OTOR: variants seen among roughly 807,000 people sequenced by gnomAD.
OTOR encodes the protein fibrocyte-derived protein.
Under a neutral mutation model 15.9 loss-of-function variants are expected in OTOR, and 20 were observed. The observed-to-expected ratio is 1.26, with a 90% CI of 0.89 to 1.83. The LOEUF (loss-of-function observed/expected upper bound fraction) is 1.83, where lower values mean the gene tolerates loss of function less well. Ranked by LOEUF, OTOR falls within the 40% of genes most tolerant of loss-of-function variation. The probability of loss-of-function intolerance (pLI) is 0.00; values close to 1 mark genes in which losing one functional copy is unlikely to be tolerated. For missense variants in OTOR, 184 were observed against 159.0 expected (o/e 1.16, Z -0.85); for synonymous variants, 53 against 54.2 (o/e 0.98, Z 0.09).
rs972548869 is a variant in OTOR at position 16,751,311 on chromosome 20, C to T, written c.*193C>T. 4 of 553,484 alleles carry T rather than the reference C, an allele frequency of 7.2e-6. No individual in the cohort carries two copies. Among genetic ancestry groups the T allele is most frequent in the East Asian group, 3.1e-5 (1 of 32,512 alleles). 34.3% of individuals were successfully genotyped at this position (553,484 alleles called of 1,614,324 possible). A position where few individuals can be genotyped will look rare whatever the true frequency, so the allele number is the denominator to read the frequency against. On this transcript the variant is annotated 3_prime_UTR_variant, in exon 4 of 4. Coordinates refer to ENST00000246081, the MANE Select transcript of OTOR (RefSeq NM_020157.4). ...CAACTCAAATCTTGTTTCCTGCTGG[C>T]CTGGTCTGCCCACGAGCTAGAGCGG...
rs1351983205 is a variant in OTOR, at chr20:16,752,013, G to A, written c.*895G>A. The A allele has an allele frequency of 6.6e-6, 1 of 152,148 alleles. No individual in the cohort carries two copies. Among genetic ancestry groups the A allele is most frequent in the Admixed American group, 6.5e-5 (1 of 15,286 alleles). 9.4% of individuals were successfully genotyped at this position (152,148 alleles called of 1,614,324 possible). The stretch of plus-strand genomic sequence containing the variant: ...TGTGATATATCAAGAAATCTGAGGA[G>A]GATGCAGGTTTTGTGGTCCTGATGG... On this transcript the variant is annotated 3_prime_UTR_variant, in exon 4 of 4. Coordinates refer to ENST00000246081, the MANE Select transcript of OTOR (RefSeq NM_020157.4).
chr20:16,749,606 T>A (rs1600230682), intron 2 of OTOR: 2 of 350,294 alleles, frequency 5.7e-6, no homozygotes, highest in East Asian at 1.0e-4. Flanking sequence ...ACTGTCTTTA[T>A]ATATTTATTT....
chr20:16,750,529 AAT>A (rs757651341), intron 3 of OTOR, among the ~76,000 whole-genome samples: 10 of 108,414 alleles, frequency 9.2e-5, no homozygotes, highest in Admixed American at 1.7e-4. Context: ...CTATGTAACA[AAT>A]AAAGAAACCA....
chr20:16,748,446 A>G lies in OTOR; in HGVS notation c.45A>G (p.Val15=). 1 of 1,613,754 alleles carries G rather than the reference A, an allele frequency of 6.2e-7. No homozygotes were observed. The highest frequency in any genetic ancestry group is 1.1e-5 in the South Asian group (1 of 91,078). ...TTTTCCTCCCGGGTCTTGTGGCTGT[A>G]TGTGCTGTGCATGGAATATTTATGG... ...LLLFLPGLVA[V]CAVHGIFMDR... is the part of the protein sequence containing the mutation. The change falls in exon 1 of 4, where the codon GTA becomes GTG. Residue 15 remains valine (V), a synonymous_variant. Coordinates refer to ENST00000246081, the MANE Select transcript of OTOR (RefSeq NM_020157.4).
In OTOR at chr20:16,751,108, T is replaced by C. The variant is rs912550199; in HGVS notation, c.377T>C (p.Phe126Ser). The C allele has an allele frequency of 1.3e-6, 2 of 1,548,106 alleles. No individual in the cohort carries two copies. Among genetic ancestry groups the C allele is most frequent in the African/African-American group, 2.8e-5 (2 of 72,216 alleles). ...GTTTTTTTCCAGGATATTGACTTCTTCTGCGAGTAATAAATTAGTTAAAAC... is the reference window on the plus strand; with the variant it reads ...GTTTTTTTCCAGGATATTGACTTCTCCTGCGAGTAATAAATTAGTTAAAAC... ...KEVPTTDIDF[F>S]CE The change falls in exon 4 of 4, where the codon TTC (phenylalanine) becomes TCC (serine). Residue 126 changes from phenylalanine (F) to serine (S), a missense_variant. Physicochemically the swap from Phe to Ser is radical, Grantham distance 155 (BLOSUM62 -2). Coordinates refer to ENST00000246081, the MANE Select transcript of OTOR (RefSeq NM_020157.4).
At position 16,750,965 on chromosome 20, in the gene OTOR, G is replaced by T. The variant is rs182695397; in HGVS notation, c.364-130G>T. ...AAGTGGTAAATATTTCATATTTTTT[G>T]GGGGTCAACCTTTACTTACTTTAAA... On this transcript the variant is annotated intron_variant, in intron 3 of 3. Transcript: ENST00000246081. 3.4e-4 allele frequency: 230 copies of T among 685,174 alleles called. 1 individual carries two copies. The African/African-American group carries it at 3.8e-3, about 11-fold the overall frequency. 42.4% of individuals were successfully genotyped at this position (685,174 alleles called of 1,614,324 possible). A position where few individuals can be genotyped will look rare whatever the true frequency, so the allele number is the denominator to read the frequency against.
chr20:16,750,147 G>T, intron 3 of OTOR, 137 bp downstream of exon 3: 1 of 594,850 alleles, frequency 1.7e-6, no homozygotes, highest in Non-Finnish European at 3.0e-6. Flanking sequence ...CTGAGATAAT[G>T]AGGTTTGGGG....
At chr20:16,750,576 A>C (rs1309759516) in intron 3 of OTOR, among the ~76,000 whole-genome samples, 1 of 152,262 alleles carries the variant, frequency 6.6e-6, no homozygotes, top group Non-Finnish European at 1.5e-5. Flanking sequence ...GGTTTTCACT[A>C]AAGATAGGCT....
At position 16,751,102 on chromosome 20, in the gene OTOR, ACTT is replaced by A. The variant is rs759008537; in HGVS notation, c.377_379del (p.Phe126del). On this transcript the variant is annotated inframe_deletion, in exon 4 of 4. Coordinates refer to ENST00000246081, the MANE Select transcript of OTOR (RefSeq NM_020157.4). ...GTTTTTGTTTTTTTCCAGGATATTG[ACTT>A]CTTCTGCGAGTAATAAATTAGTTAA... The A allele has an allele frequency of 1.3e-6, 2 of 1,545,142 alleles. No individual in the cohort carries two copies. Among genetic ancestry groups the A allele is most frequent in the Non-Finnish European group, 1.8e-6 (2 of 1,140,800 alleles).
chr20:16,749,960 G>A lies in OTOR; in HGVS notation c.313G>A (p.Val105Ile), dbSNP rs1435020453. 14 of 1,613,904 alleles carry A rather than the reference G, an allele frequency of 8.7e-6. No homozygotes were observed. Among genetic ancestry groups the A allele is most frequent in the Non-Finnish European group, 1.2e-5 (14 of 1,179,890 alleles). The change falls in exon 3 of 4, where the codon GTC becomes ATC. Residue 105 changes from valine (V) to isoleucine (I), a missense_variant. By Grantham distance (29) the Val-to-Ile change is conservative. Transcript: ENST00000246081. ...GVVGYFPRNLVKEQRVYQEAT... is the reference protein window; with the variant it reads ...GVVGYFPRNLIKEQRVYQEAT... The stretch of plus-strand genomic sequence containing the variant: ...CGTGGGTTATTTCCCCAGGAACTTG[G>A]TCAAGGAACAGCGTGTGTACCAGGA...
In OTOR at chr20:16,748,853, T is replaced by A; in HGVS notation, c.116-14T>A. The A allele has an allele frequency of 6.4e-7, 1 of 1,555,260 alleles. No homozygotes were observed. The highest frequency in any genetic ancestry group is 8.6e-7 in the Non-Finnish European group (1 of 1,158,214). On this transcript the variant is annotated splice_polypyrimidine_tract_variant and intron_variant, in intron 1 of 3. Transcript: ENST00000246081. ...GAGCCTAAAATGTAATCATTTAAAT[T>A]TTTTTTCTTCCAGATACTATTTCTC... is the stretch of plus-strand genomic sequence containing the variant.
chr20:16,748,846 T>G (rs1248787273), intron 1 of OTOR, 21 bp from the exon 2 acceptor site: 1 of 1,548,326 alleles, frequency 6.5e-7, no homozygotes, highest in East Asian at 2.3e-5. Context: ...AATGTAATCA[T>G]TTAAATTTTT....
At chr20:16,748,778 A>C (rs761603186) in intron 1 of OTOR, 89 bp from the exon 2 acceptor site, 1 of 1,011,516 alleles carries the variant, frequency 9.9e-7, no homozygotes, top group Non-Finnish European at 1.4e-6. Flanking sequence ...AGTCACTCTG[A>C]TTTTCTAGTT....
At position 16,748,465 on chromosome 20, in the gene OTOR, T is replaced by G. The variant is rs757215762; in HGVS notation, c.64T>G (p.Phe22Val). The change falls in exon 1 of 4, where the codon TTT becomes GTT. Residue 22 changes from phenylalanine to valine, a missense_variant. Transcript: ENST00000246081. ...GGCTGTATGTGCTGTGCATGGAATA[T>G]TTATGGACCGTCTAGCTTCCAAGAA... ...LVAVCAVHGI[F>V]MDRLASKKLC... 5.0e-6 allele frequency: 8 copies of G among 1,613,746 alleles called. 1 individual carries two copies. In the South Asian group the frequency reaches 8.8e-5, roughly 18 times the overall value.
Position 16,751,325 on chromosome 20 carries a change from G to C in OTOR, c.*207G>C, listed in dbSNP as rs114257218. ...TTTCCTGCTGGCCTGGTCTGCCCAC[G>C]AGCTAGAGCGGGGAAATGTTGAGCT... On this transcript the variant is annotated 3_prime_UTR_variant, in exon 4 of 4. Coordinates refer to ENST00000246081, the MANE Select transcript of OTOR (RefSeq NM_020157.4). 3.0e-3 allele frequency: 1,565 copies of C among 529,054 alleles called. 18 individuals carry two copies. The highest frequency in any genetic ancestry group is 0.028 in the African/African-American group (1,405 of 50,916). 32.8% of individuals were successfully genotyped at this position (529,054 alleles called of 1,614,324 possible). A position where few individuals can be genotyped will look rare whatever the true frequency, so the allele number is the denominator to read the frequency against.
rs74932642 is a variant in OTOR, at chr20:16,748,445, T to C, written c.44T>C (p.Val15Ala). The change falls in exon 1 of 4, where the codon GTA becomes GCA. Residue 15 changes from valine (V) to alanine (A), a missense_variant. Transcript: ENST00000246081. ...CTTTTCCTCCCGGGTCTTGTGGCTGTATGTGCTGTGCATGGAATATTTATG... is the reference window on the plus strand; with the variant it reads ...CTTTTCCTCCCGGGTCTTGTGGCTGCATGTGCTGTGCATGGAATATTTATG... ...LLLFLPGLVA[V>A]CAVHGIFMDR... 6.2e-7 allele frequency: 1 copy of C among 1,613,752 alleles called. No homozygotes were observed. The highest frequency in any genetic ancestry group is 8.5e-7 in the Non-Finnish European group (1 of 1,179,642).
chr20:16,749,854 G>T, intron 2 of OTOR, 49 bp from the exon 3 acceptor site: 1 of 1,254,636 alleles, frequency 8.0e-7, no homozygotes, highest in Non-Finnish European at 1.2e-6. Context: ...TTTCTCAGAA[G>T]ACACTCAGCA....
In OTOR at chr20:16,751,359, T is replaced by C. The variant is rs12479958; in HGVS notation, c.*241T>C. 0.2 allele frequency: 93,964 copies of C among 471,844 alleles called. 11,014 individuals carry two copies. The highest frequency in any genetic ancestry group is 0.47 in the East Asian group (13,083 of 27,662). The allele number at this position is 471,844 out of a possible 1,614,324, so 29.2% of individuals were successfully genotyped here. A position where few individuals can be genotyped will look rare whatever the true frequency, so the allele number is the denominator to read the frequency against. On this transcript the variant is annotated 3_prime_UTR_variant, in exon 4 of 4. Transcript: ENST00000246081. ...CGGGGAAATGTTGAGCTCAAATGGG[T>C]AAATTGAGACCAGAAAATTATTTTT...
chr20:16,751,189 T>A lies in OTOR; in HGVS notation c.*71T>A. 1 of 1,063,144 alleles carries A rather than the reference T, an allele frequency of 9.4e-7. No homozygotes were observed. 65.9% of individuals were successfully genotyped at this position (1,063,144 alleles called of 1,614,324 possible). On this transcript the variant is annotated 3_prime_UTR_variant, in exon 4 of 4. Transcript: ENST00000246081. ...GAAAAGAGCAAAAGTGGCCAAAAAATGCATGTCTGTAATTTTGGACTGACG... is the reference window on the plus strand; with the variant it reads ...GAAAAGAGCAAAAGTGGCCAAAAAAAGCATGTCTGTAATTTTGGACTGACG...
Sources: gnomAD v4.1 joint callset for allele counts (sites outside exome capture counted in the v4.1 genomes callset) on GRCh38, gnomAD v4.1.1 for gene constraint, MANE v1.5 for transcripts, NCBI Gene and HGNC (gene_info 2026-07-23, HGNC 2026-07-21) for gene names.